The following RAB2A variants were observed in gnomAD, a reference collection of about 807,000 sequenced individuals.
RAB2A encodes RAB2A, member RAS oncogene family.
In RAB2A, 7 loss-of-function variants were observed where a neutral mutation model predicts 32.5. The ratio of observed to expected loss-of-function variants is 0.22; its 90% CI spans 0.12 to 0.40. The LOEUF (loss-of-function observed/expected upper bound fraction) is 0.40. RAB2A is among the 10% of genes least tolerant of loss of function. The probability of loss-of-function intolerance (pLI) is 1.00; values close to 1 mark genes in which losing one functional copy is unlikely to be tolerated. For missense variants in RAB2A, 108 were observed against 260.7 expected (o/e 0.41, Z 4.03); for synonymous variants, 79 against 85.2 (o/e 0.93, Z 0.40).
At chr8:60,518,699 G>A (rs369295549) in intron 1 of RAB2A, among the ~76,000 whole-genome samples, 3 of 151,630 alleles carry the variant, frequency 2.0e-5, no homozygotes, top group South Asian at 2.1e-4. Flanking sequence ...TGATGCGTGC[G>A]TGCGTGTGTG....
At chr8:60,543,049 G>A (rs1807671333) in intron 1 of RAB2A, among the ~76,000 whole-genome samples, 1 of 152,150 alleles carries the variant, frequency 6.6e-6, no homozygotes, top group Non-Finnish European at 1.5e-5. Context: ...TATTTCTTGT[G>A]TTTGAGTAAC....
chr8:60,591,751 T>C lies in RAB2A; in HGVS notation c.363-107T>C, dbSNP rs183536199. The stretch of plus-strand genomic sequence containing the variant: ...ATACAGTTAGTATGTTAAAAATTAA[T>C]TAAAAGAATGGTCATCACAACTTTG... On this transcript the variant is annotated intron_variant, in intron 5 of 7. Transcript: ENST00000262646. 3.8e-5 allele frequency: 26 copies of C among 682,226 alleles called. No homozygotes were observed. The African/African-American group carries it at 4.3e-4, about 11-fold the overall frequency. The allele number at this position is 682,226 out of a possible 1,614,324, so 42.3% of individuals were successfully genotyped here.
chr8:60,604,470 A>C lies in RAB2A; in HGVS notation c.474+12501A>C, dbSNP rs370986223. On this transcript the variant is annotated intron_variant, in intron 6 of 7. Transcript: ENST00000262646. ...GGTTGGAAGAGTGTGGAGGGCTCAG[A>C]AGATGAGGAAAAATTTGGAACTTCT... Among the ~76,000 whole-genome samples the C allele has an allele frequency of 6.6e-5, 10 of 152,238 alleles. No individual in the cohort carries two copies. In the East Asian group the frequency reaches 9.6e-4, roughly 15 times the overall value.
At chr8:60,583,244 A>G (rs985682956) in intron 3 of RAB2A, among the ~76,000 whole-genome samples, 1 of 152,186 alleles carries the variant, frequency 6.6e-6, no homozygotes, top group South Asian at 2.1e-4. Context: ...GAATATAAAA[A>G]TCGTTAAAAT....
intron 1 of RAB2A, among the ~76,000 whole-genome samples, chr8:60,550,380 T>C (rs556331517): frequency 6.6e-6 from 1 of 151,368 alleles, no homozygotes; most frequent in East Asian, 1.9e-4. Context: ...TGGTTCACGG[T>C]TTTTTTTGTC....
At chr8:60,604,069 A>G (rs1339836705) in intron 6 of RAB2A, among the ~76,000 whole-genome samples, 1 of 152,182 alleles carries the variant, frequency 6.6e-6, no homozygotes, top group African/African-American at 2.4e-5. Context: ...GTTTAACACC[A>G]TACCGCTTGG....
intron 1 of RAB2A, among the ~76,000 whole-genome samples, chr8:60,518,080 A>G (rs1449002090): frequency 6.6e-6 from 1 of 152,220 alleles, no homozygotes; most frequent in Non-Finnish European, 1.5e-5. Flanking sequence ...GCTCATGTCC[A>G]TGAGCTGAAA....
rs542436502 is a variant in RAB2A, at chr8:60,573,767, T to C, written c.186+1654T>C. ...CAACCAAAAAGAAACATTTTCTACT[T>C]CTGTATTAAAAGAGGTTCTCTCTTC... On this transcript the variant is annotated intron_variant, in intron 3 of 7. Transcript: ENST00000262646. Among the ~76,000 whole-genome samples the C allele has an allele frequency of 2.0e-5, 3 of 152,354 alleles. No individual in the cohort carries two copies. The South Asian group carries it at 6.2e-4, about 32-fold the overall frequency.
At chr8:60,534,011 A>C (rs764033652) in intron 1 of RAB2A, among the ~76,000 whole-genome samples, 1 of 152,100 alleles carries the variant, frequency 6.6e-6, no homozygotes, top group Non-Finnish European at 1.5e-5. Context: ...AAAAGATACT[A>C]TTGTGGGCAG....
intron 2 of RAB2A, among the ~76,000 whole-genome samples, chr8:60,565,298 A>T (rs1026863527): frequency 1.3e-5 from 2 of 151,966 alleles, no homozygotes; most frequent in African/African-American, 4.8e-5. Context: ...ACACACCTGT[A>T]GCCCCAGCTA....
At chr8:60,525,679 T>A (rs912680156) in intron 1 of RAB2A, among the ~76,000 whole-genome samples, 42 of 152,120 alleles carry the variant, frequency 2.8e-4, no homozygotes, top group Non-Finnish European at 7.4e-5. Context: ...GTCACTGTGT[T>A]TTTAGCCAAA....
intron 1 of RAB2A, among the ~76,000 whole-genome samples, chr8:60,538,448 G>A (rs1807589802): frequency 6.6e-6 from 1 of 152,204 alleles, no homozygotes; most frequent in Non-Finnish European, 1.5e-5. Context: ...TAGAATTAGA[G>A]TAATGGGAGA....
At chr8:60,584,166 A>G in intron 3 of RAB2A, 42 bp from the exon 4 acceptor site, 1 of 1,417,250 alleles carries the variant, frequency 7.1e-7, no homozygotes, top group South Asian at 1.2e-5. Flanking sequence ...TGTAGAGGAC[A>G]TTGTATTAAA....
chr8:60,543,830 G>A (rs1188601278), intron 1 of RAB2A, among the ~76,000 whole-genome samples: 2 of 152,134 alleles, frequency 1.3e-5, no homozygotes, highest in Non-Finnish European at 2.9e-5. Flanking sequence ...GCTAAGGCAG[G>A]TGGATCACCT....
intron 3 of RAB2A, among the ~76,000 whole-genome samples, chr8:60,579,204 G>A (rs1399585401): frequency 3.3e-5 from 5 of 152,018 alleles, no homozygotes; most frequent in African/African-American, 4.8e-5. Context: ...CACCACACCT[G>A]GCTAATTTTT....
At chr8:60,570,773 T>C (rs1231137901) in intron 2 of RAB2A, among the ~76,000 whole-genome samples, 3 of 152,234 alleles carry the variant, frequency 2.0e-5, no homozygotes, top group African/African-American at 7.2e-5. Context: ...AGAAGTATTA[T>C]AATGTAGAGT....
At chr8:60,616,727 C>T (rs1804455011) in intron 6 of RAB2A, among the ~76,000 whole-genome samples, 1 of 152,160 alleles carries the variant, frequency 6.6e-6, no homozygotes, top group Non-Finnish European at 1.5e-5. Flanking sequence ...TGTGATGATT[C>T]GATCAGCCAC....
intron 1 of RAB2A, among the ~76,000 whole-genome samples, chr8:60,525,207 T>C (rs1807360482): frequency 6.6e-6 from 1 of 152,178 alleles, no homozygotes; most frequent in Non-Finnish European, 1.5e-5. Context: ...TGGAAGGTGA[T>C]TGGATCATGG....
intron 5 of RAB2A, among the ~76,000 whole-genome samples, chr8:60,586,710 A>T (rs73261234): frequency 3.3e-5 from 5 of 152,030 alleles, no homozygotes; most frequent in African/African-American, 1.2e-4. Flanking sequence ...TGAGGCAAGG[A>T]GTTCAAGACC....
Sources: gnomAD v4.1 joint callset for allele counts (sites outside exome capture counted in the v4.1 genomes callset) on GRCh38, gnomAD v4.1.1 for gene constraint, MANE v1.5 for transcripts, NCBI Gene and HGNC (gene_info 2026-07-23, HGNC 2026-07-21) for gene names.